NCAM2: variants seen among roughly 807,000 people sequenced by gnomAD.
The protein encoded by NCAM2 is N-CAM-2.
In NCAM2, 30 loss-of-function variants were observed where a neutral mutation model predicts 98.1. That is an observed-to-expected ratio of 0.31 (90% confidence interval 0.23 to 0.41). The LOEUF (loss-of-function observed/expected upper bound fraction) is 0.41, where lower values mean the gene tolerates loss of function less well. Among genes scored for constraint, NCAM2 ranks in the 10% least tolerant of loss-of-function variants. The probability of loss-of-function intolerance (pLI) is 1.00; values close to 1 mark genes in which losing one functional copy is unlikely to be tolerated. For missense variants in NCAM2, 867 were observed against 1,005.8 expected (o/e 0.86, Z 1.87); for synonymous variants, 368 against 342.4 (o/e 1.07, Z -0.83).
intron 1 of NCAM2, among the ~76,000 whole-genome samples, chr21:21,143,527 C>T (rs1471683256): frequency 6.6e-6 from 1 of 152,118 alleles, no homozygotes; most frequent in Non-Finnish European, 1.5e-5. Context: ...AAAAGTTGAC[C>T]AGATTTTCCT....
intron 1 of NCAM2, among the ~76,000 whole-genome samples, chr21:21,137,137 G>A (rs1048001486): frequency 5.9e-5 from 9 of 152,058 alleles, no homozygotes; most frequent in South Asian, 4.2e-4. Flanking sequence ...GAGCCACTGC[G>A]CCCAGCCACA....
chr21:21,167,145 A>G (rs1046304299), intron 1 of NCAM2, among the ~76,000 whole-genome samples: 2 of 151,950 alleles, frequency 1.3e-5, no homozygotes, highest in African/African-American at 2.4e-5. Context: ...GGGAATTACT[A>G]CTGGGTGAGT....
chr21:21,334,545 G>T lies in NCAM2; in HGVS notation c.738-960G>T, dbSNP rs960202361. On this transcript the variant is annotated intron_variant, in intron 6 of 17. Coordinates refer to ENST00000400546, the MANE Select transcript of NCAM2 (RefSeq NM_004540.5). ...GACAAGCAAATGTCTCCATACCAAT[G>T]GACAAATTCCAGAACTTTCCATTAG... 5.9e-5 allele frequency among the ~76,000 whole-genome samples: 9 copies of T among 151,746 alleles called. No homozygotes were observed. The East Asian group carries it at 1.5e-3, about 26-fold the overall frequency.
At chr21:21,277,922 A>C (rs1041008452) in intron 1 of NCAM2, among the ~76,000 whole-genome samples, 6 of 152,148 alleles carry the variant, frequency 3.9e-5, no homozygotes, top group African/African-American at 1.4e-4. Context: ...CAATGTTTGA[A>C]AATTGATTGA....
chr21:21,492,367 A>G (rs950131942), intron 15 of NCAM2, among the ~76,000 whole-genome samples: 12 of 151,950 alleles, frequency 7.9e-5, no homozygotes, highest in Admixed American at 1.3e-4. Flanking sequence ...TATGTGTCAG[A>G]GGAAAGGCTA....
chr21:21,472,339 T>A (rs1031754774), intron 14 of NCAM2, among the ~76,000 whole-genome samples: 1 of 151,994 alleles, frequency 6.6e-6, no homozygotes, highest in African/African-American at 2.4e-5. Context: ...GAAAGGTAAG[T>A]TTGAAAAGGG....
intron 1 of NCAM2, among the ~76,000 whole-genome samples, chr21:21,088,228 A>G (rs1288381774): frequency 6.6e-6 from 1 of 152,238 alleles, no homozygotes; most frequent in African/African-American, 2.4e-5. Context: ...TAGGGCGAGC[A>G]TCATATCCTT....
chr21:21,004,173 A>G (rs755030697), intron 1 of NCAM2, among the ~76,000 whole-genome samples: 8 of 152,338 alleles, frequency 5.3e-5, no homozygotes, highest in Non-Finnish European at 8.8e-5. Context: ...TGAATCTAAT[A>G]TATCTTCAGC....
intron 1 of NCAM2, among the ~76,000 whole-genome samples, chr21:21,120,225 C>T (rs2066643655): frequency 6.6e-6 from 1 of 152,068 alleles, no homozygotes; most frequent in African/African-American, 2.4e-5. Context: ...GAATTAACAG[C>T]TTTATTAATG....
intron 6 of NCAM2, among the ~76,000 whole-genome samples, chr21:21,325,138 A>T (rs1459928360): frequency 6.6e-6 from 1 of 152,120 alleles, no homozygotes; most frequent in Admixed American, 6.6e-5. Context: ...ACGAAATTGG[A>T]GACGATGAAC....
intron 1 of NCAM2, among the ~76,000 whole-genome samples, chr21:21,180,264 A>G (rs960365193): frequency 6.6e-6 from 1 of 152,228 alleles, no homozygotes; most frequent in Non-Finnish European, 1.5e-5. Flanking sequence ...TTATGGATAC[A>G]TAATAGTTGT....
chr21:21,012,473 A>G (rs1047542612), intron 1 of NCAM2, among the ~76,000 whole-genome samples: 17 of 152,140 alleles, frequency 1.1e-4, no homozygotes, highest in African/African-American at 4.1e-4. Flanking sequence ...GGACAAATTC[A>G]AAATGGCTTA....
chr21:21,027,509 GTAATAC>G (rs1223591814), intron 1 of NCAM2, among the ~76,000 whole-genome samples: 3 of 152,176 alleles, frequency 2.0e-5, no homozygotes, highest in African/African-American at 7.2e-5. Flanking sequence ...TAAACATGAG[GTAATAC>G]TAATACAGCA....
chr21:21,142,621 CG>C (rs2067194386), intron 1 of NCAM2, among the ~76,000 whole-genome samples: 1 of 151,962 alleles, frequency 6.6e-6, no homozygotes, highest in African/African-American at 2.4e-5. Context: ...CCTCGTGATC[CG>C]CCCGCCTAGG....
intron 9 of NCAM2, among the ~76,000 whole-genome samples, chr21:21,407,302 C>T (rs376408412): frequency 2.0e-5 from 3 of 152,258 alleles, no homozygotes; most frequent in South Asian, 4.1e-4. Context: ...TATAGACCGG[C>T]GTTATCAATA....
chr21:21,272,249 T>C (rs1019241529), intron 1 of NCAM2, among the ~76,000 whole-genome samples: 4 of 152,154 alleles, frequency 2.6e-5, no homozygotes, highest in Admixed American at 2.0e-4. Context: ...ACTTAAATTA[T>C]ACATTGTGAT....
At chr21:21,196,148 T>C (rs887133350) in intron 1 of NCAM2, among the ~76,000 whole-genome samples, 1 of 152,164 alleles carries the variant, frequency 6.6e-6, no homozygotes, top group Non-Finnish European at 1.5e-5. Context: ...GCCCACTCAG[T>C]TCCCACTTTA....
chr21:21,429,973 T>G (rs1001568128), intron 11 of NCAM2, among the ~76,000 whole-genome samples: 7 of 152,140 alleles, frequency 4.6e-5, no homozygotes, highest in Non-Finnish European at 8.8e-5. Flanking sequence ...TGACCTTTTT[T>G]AACTCTAGCA....
At chr21:21,200,407 CTGAA>C (rs2069167955) in intron 1 of NCAM2, among the ~76,000 whole-genome samples, 1 of 38,084 alleles carries the variant, frequency 2.6e-5, no homozygotes, top group Non-Finnish European at 8.7e-5. Context: ...AACCCCATGC[CTGAA>C]AAAAAAAAAA....
Sources: gnomAD v4.1 joint callset for allele counts (sites outside exome capture counted in the v4.1 genomes callset) on GRCh38, gnomAD v4.1.1 for gene constraint, MANE v1.5 for transcripts, NCBI Gene and HGNC (gene_info 2026-07-23, HGNC 2026-07-21) for gene names.